PFKFB4: variants seen among roughly 807,000 people sequenced by gnomAD.
PFKFB4 encodes 6-phosphofructo-2-kinase/fructose-2,6-biphosphatase 4, also known as 6-phosphofructo-2-kinase/fructose-2,6-bisphosphatase 4.
PFKFB4 carries 42 observed loss-of-function variants against 62.8 expected under a neutral mutation model. The ratio of observed to expected loss-of-function variants is 0.67; its 90% confidence interval spans 0.52 to 0.86. The LOEUF (loss-of-function observed/expected upper bound fraction) is 0.86. Ranked by LOEUF, PFKFB4 falls within the 40% of genes least tolerant of loss-of-function variation. The pLI is 0.00. For missense variants in PFKFB4, 475 were observed against 627.2 expected (o/e 0.76, Z 2.59); for synonymous variants, 204 against 240.7 (o/e 0.85, Z 1.41).
chr3:48,556,802 G>T lies in PFKFB4; in HGVS notation c.-25C>A. ...TCCCGGGGCCGGGATGAGTCGGACT[G>T]CGCCGCTTCCAACCCAGCAGCCGGG... On this transcript the variant is annotated 5_prime_UTR_variant, in exon 1 of 14. Transcript: ENST00000232375. The surrounding 1 kb of genome is among the most constrained non-coding windows in gnomAD (Gnocchi z 5.7). 1 of 1,587,964 alleles carries T rather than the reference G, an allele frequency of 6.3e-7. No homozygotes were observed. The highest frequency in any genetic ancestry group is 2.4e-5 in the East Asian group (1 of 41,374).
chr3:48,556,239 C>T lies in PFKFB4; in HGVS notation c.97+442G>A, dbSNP rs73078308. 0.026 allele frequency: 12,327 copies of T among 466,422 alleles called. 260 individuals are homozygous for T. Among genetic ancestry groups the T allele is most frequent in the Non-Finnish European group, 0.038 (8,983 of 233,830 alleles). The allele number at this position is 466,422 out of a possible 1,614,324, so 28.9% of individuals were successfully genotyped here. A position where few individuals can be genotyped will look rare whatever the true frequency, so the allele number is the denominator to read the frequency against. On this transcript the variant is annotated intron_variant, in intron 1 of 13. Transcript: ENST00000232375. The surrounding 1 kb of genome is among the most constrained non-coding windows in gnomAD (Gnocchi z 5.7). ...CTAGCCCACCTTTGAAAGTTCTGGG[C>T]TCAGAGAGGCCAAGTAATTCACCTA...
At chr3:48,523,920 C>A in intron 10 of PFKFB4, 90 bp from the exon 11 acceptor site, 1 of 1,363,462 alleles carries the variant, frequency 7.3e-7, no homozygotes, top group Non-Finnish European at 1.0e-6. Flanking sequence ...TCCACTCCTG[C>A]AGCTACTCAC....
upstream of PFKFB4, among the ~76,000 whole-genome samples, chr3:48,557,795 C>T (rs2107614688): frequency 6.6e-6 from 1 of 152,318 alleles, no homozygotes; most frequent in South Asian, 2.1e-4. Flanking sequence ...CCTCAGCCTT[C>T]CAAAGTGCTG....
rs945865751 is a variant in PFKFB4, at chr3:48,523,977, G to T, written c.1093-147C>A. 2.5e-4 allele frequency: 218 copies of T among 879,532 alleles called. No homozygotes were observed. The South Asian group carries it at 3.5e-3, about 14-fold the overall frequency. The allele number at this position is 879,532 out of a possible 1,614,324, so 54.5% of individuals were successfully genotyped here. On this transcript the variant is annotated intron_variant, in intron 10 of 13. Coordinates refer to ENST00000232375, the MANE Select transcript of PFKFB4 (RefSeq NM_004567.4). The stretch of plus-strand genomic sequence containing the variant: ...GGCCTCCTCCAGCCTAGCCTTCTGA[G>T]GCCATGGGGGTGGGCAGCTGAGGAA...
intron 9 of PFKFB4, among the ~76,000 whole-genome samples, chr3:48,526,655 T>G (rs1306556904): frequency 6.8e-6 from 1 of 147,772 alleles, no homozygotes; most frequent in Non-Finnish European, 1.5e-5. Flanking sequence ...AAGAACGCCA[T>G]GTAGGCCGGG....
intron 7 of PFKFB4, among the ~76,000 whole-genome samples, chr3:48,537,647 C>A (rs1031201659): frequency 6.6e-6 from 1 of 151,538 alleles, no homozygotes; most frequent in Non-Finnish European, 1.5e-5. Flanking sequence ...ACCTCAGCCT[C>A]CCGAGTAGCT....
chr3:48,548,938 C>T (rs527888006), intron 3 of PFKFB4, among the ~76,000 whole-genome samples: 10 of 152,310 alleles, frequency 6.6e-5, no homozygotes, highest in African/African-American at 2.4e-4. Context: ...AGAGAAGGAA[C>T]GGGTAGCCTA....
intron 4 of PFKFB4, among the ~76,000 whole-genome samples, chr3:48,540,398 G>C (rs904875319): frequency 1.1e-4 from 16 of 152,176 alleles, no homozygotes; most frequent in Non-Finnish European, 2.2e-4. Context: ...AAGGGACAAA[G>C]GTGGGGACGA....
chr3:48,523,520 G>A lies in PFKFB4; in HGVS notation c.1285+17C>T. Reference sequence around the variant, plus strand: ...GGTCATGGCTACCCATGGTCAATGTGCAGGAAGCTTCCTTACCATATGCCA... The same window carrying A: ...GGTCATGGCTACCCATGGTCAATGTACAGGAAGCTTCCTTACCATATGCCA... On this transcript the variant is annotated intron_variant, in intron 12 of 13. Coordinates refer to ENST00000232375, the MANE Select transcript of PFKFB4 (RefSeq NM_004567.4). 6.2e-7 allele frequency: 1 copy of A among 1,610,898 alleles called. No homozygotes were observed. Among genetic ancestry groups the A allele is most frequent in the Admixed American group, 1.7e-5 (1 of 60,028 alleles).
Position 48,519,649 on chromosome 3 carries a change from C to T in PFKFB4, c.*98G>A. ...GCCATGTGTGGCTTCAAGAATATCC[C>T]TGCATGGCATGGTGACTATCACACA... On this transcript the variant is annotated 3_prime_UTR_variant, in exon 14 of 14. Transcript: ENST00000232375. 1 of 931,212 alleles carries T rather than the reference C, an allele frequency of 1.1e-6. No individual in the cohort carries two copies. The highest frequency in any genetic ancestry group is 2.5e-5 in the East Asian group (1 of 40,782). The allele number at this position is 931,212 out of a possible 1,614,324, so 57.7% of individuals were successfully genotyped here.
At chr3:48,525,731 G>C (rs990514170) in intron 9 of PFKFB4, 62 bp from the exon 10 acceptor site, 2 of 846,794 alleles carry the variant, frequency 2.4e-6, no homozygotes, top group Non-Finnish European at 3.7e-6. Context: ...TTGGGGACAT[G>C]TGGGGTGAGG....
intron 6 of PFKFB4, among the ~76,000 whole-genome samples, chr3:48,538,990 C>T (rs1004391023): frequency 1.3e-5 from 2 of 152,028 alleles, no homozygotes; most frequent in Non-Finnish European, 2.9e-5. Flanking sequence ...AAAACATGCC[C>T]CTCACCCACC....
chr3:48,549,186 G>A (rs2043052531), intron 3 of PFKFB4, among the ~76,000 whole-genome samples: 1 of 152,200 alleles, frequency 6.6e-6, no homozygotes, highest in South Asian at 2.1e-4. Flanking sequence ...CTCAGTTCAA[G>A]TCTGAAAGTT....
chr3:48,522,306 G>T (rs961543701), intron 12 of PFKFB4, among the ~76,000 whole-genome samples: 1 of 152,176 alleles, frequency 6.6e-6, no homozygotes, highest in South Asian at 2.1e-4. Context: ...CCCCAGGACC[G>T]AGAGGGATCG....
At chr3:48,550,270 G>A in intron 1 of PFKFB4, 36 bp from the exon 2 acceptor site, 1 of 1,396,140 alleles carries the variant, frequency 7.2e-7, no homozygotes, top group South Asian at 1.2e-5. Context: ...GATGAGGGCT[G>A]GGACCCTCCC....
chr3:48,539,593 T>C, intron 5 of PFKFB4, 104 bp downstream of exon 5: 1 of 1,002,082 alleles, frequency 1.0e-6, no homozygotes, highest in South Asian at 1.3e-5. Context: ...TCAGGAGCCA[T>C]GCCAGCCCCA....
Position 48,550,115 on chromosome 3 carries a change from C to T in PFKFB4, c.214+3G>A. 6.2e-7 allele frequency: 1 copy of T among 1,601,506 alleles called. No homozygotes were observed. ...CCCTTAGACAGCTGGGGCCAAGCCT[C>T]ACCCCGAGTGGGCACACCAATCCAG... On this transcript the variant is annotated splice_donor_region_variant and intron_variant, in intron 2 of 13. Coordinates refer to ENST00000232375, the MANE Select transcript of PFKFB4 (RefSeq NM_004567.4).
chr3:48,527,684 C>CTT (rs1180697646), intron 9 of PFKFB4, among the ~76,000 whole-genome samples: 51 of 121,140 alleles, frequency 4.2e-4, no homozygotes, highest in African/African-American at 6.5e-4. Context: ...CGTCCATCAT[C>CTT]TTTTTTTTTT....
At chr3:48,553,480 A>C (rs2043217887) in intron 1 of PFKFB4, among the ~76,000 whole-genome samples, 1 of 152,204 alleles carries the variant, frequency 6.6e-6, no homozygotes, top group African/African-American at 2.4e-5. Flanking sequence ...TCCAAAAAAA[A>C]AAAAGAACAC....
Sources: allele counts gnomAD v4.1 joint callset (sites outside exome capture counted in the v4.1 genomes callset), GRCh38; gene constraint gnomAD v4.1.1; non-coding constraint Gnocchi (gnomAD v3.1); transcripts MANE v1.5; gene names NCBI Gene and HGNC (gene_info 2026-07-23, HGNC 2026-07-21).